The following KCNH5 variants were observed in gnomAD, a reference collection of about 807,000 sequenced individuals.
KCNH5 encodes the protein potassium voltage-gated channel subfamily H member 5, also known as voltage-gated delayed rectifier potassium channel KCNH5.
Under a neutral mutation model 96.1 loss-of-function variants are expected in KCNH5, and 46 were observed. The observed-to-expected ratio is 0.48, with a 90% CI of 0.38 to 0.61. The LOEUF (loss-of-function observed/expected upper bound fraction) is 0.61, where lower values mean the gene tolerates loss of function less well. Among genes scored for constraint, KCNH5 ranks in the 20% least tolerant of loss-of-function variants. The pLI is 0.00. For synonymous variants in KCNH5, 439 were observed against 449.8 expected, an observed-to-expected ratio of 0.98 and a Z score of 0.30; for missense variants, 907 against 1,225.8, an observed-to-expected ratio of 0.74 and a Z score of 3.88.
intron 9 of KCNH5, among the ~76,000 whole-genome samples, chr14:62,785,673 A>T (rs537510910): frequency 6.6e-6 from 1 of 152,346 alleles, no homozygotes; most frequent in South Asian, 2.1e-4. Context: ...AGGAAAAAGG[A>T]TTGTAAAACA....
At chr14:62,769,483 G>A (rs906429048) in intron 10 of KCNH5, among the ~76,000 whole-genome samples, 4 of 152,152 alleles carry the variant, frequency 2.6e-5, no homozygotes, top group Admixed American at 2.0e-4. Flanking sequence ...CACTGGCATC[G>A]GGTGATCTCA....
rs749086511 is a variant in KCNH5, at chr14:62,708,033, G to T, written c.2442C>A (p.Leu814=). 1 of 1,614,080 alleles carries T rather than the reference G, an allele frequency of 6.2e-7. No homozygotes were observed. The highest frequency in any genetic ancestry group is 8.5e-7 in the Non-Finnish European group (1 of 1,180,030). ...CCTCATGGGCTCCCATATTATTCTT[G>T]AGTCGCAGCCACCCTTTTCCATTTC... ...KNGNGKGWLR[L]KNNMGAHEEK... is the part of the protein sequence containing the mutation. The change falls in exon 11 of 11, where the codon CTC becomes CTA. Residue 814 remains leucine (L), a synonymous_variant. Transcript: ENST00000322893.
rs140674647 is a variant in KCNH5, at chr14:62,925,600, A to C, written c.1369+24533T>G. 6.2e-4 allele frequency among the ~76,000 whole-genome samples: 95 copies of C among 152,202 alleles called. 1 individual carries two copies. Among genetic ancestry groups the C allele is most frequent in the African/African-American group, 2.2e-3 (90 of 41,556 alleles). ...TCACAGGTAAAGACAGAAAAATAAA[A>C]TATTAACCAACCCCATCTCAGCACC... On this transcript the variant is annotated intron_variant, in intron 7 of 10. Transcript: ENST00000322893.
chr14:62,952,782 G>T (rs1890031368), intron 6 of KCNH5, among the ~76,000 whole-genome samples: 1 of 152,046 alleles, frequency 6.6e-6, no homozygotes, highest in Admixed American at 6.6e-5. Context: ...ACTAGAATGA[G>T]GTCCAAATGG....
intron 2 of KCNH5, among the ~76,000 whole-genome samples, chr14:63,014,498 T>C (rs891632515): frequency 3.3e-5 from 5 of 152,104 alleles, no homozygotes; most frequent in African/African-American, 1.2e-4. Flanking sequence ...GCACTTATTT[T>C]CTTAGTGAAT....
chr14:62,708,571 A>G, intron 10 of KCNH5, 116 bp from the exon 11 acceptor site: 3 of 620,110 alleles, frequency 4.8e-6, no homozygotes, highest in Non-Finnish European at 7.7e-6. Flanking sequence ...ATATTTGATA[A>G]GATTATTTCT....
At chr14:62,747,064 C>T (rs184737682) in intron 10 of KCNH5, among the ~76,000 whole-genome samples, 134 of 152,334 alleles carry the variant, frequency 8.8e-4, no homozygotes, top group Admixed American at 2.0e-3. Context: ...CCGGACGCGG[C>T]GGCTCATGCC....
At chr14:62,788,376 G>A (rs773557847) in intron 9 of KCNH5, among the ~76,000 whole-genome samples, 22 of 152,120 alleles carry the variant, frequency 1.4e-4, no homozygotes, top group African/African-American at 7.2e-5. Context: ...TGCTACTTAC[G>A]GATGAGCAAA....
intron 10 of KCNH5, among the ~76,000 whole-genome samples, chr14:62,739,077 AT>A (rs1885218734): frequency 6.6e-6 from 1 of 152,174 alleles, no homozygotes; most frequent in Non-Finnish European, 1.5e-5. Flanking sequence ...AACTTTACCT[AT>A]AATTAGATTT....
intron 10 of KCNH5, among the ~76,000 whole-genome samples, chr14:62,751,635 T>G (rs568859322): frequency 3.9e-5 from 6 of 152,326 alleles, no homozygotes; most frequent in Admixed American, 3.3e-4. Flanking sequence ...ACACCCAGAT[T>G]TGGCTTTCCC....
chr14:62,776,607 T>A (rs1351960195), intron 10 of KCNH5, among the ~76,000 whole-genome samples: 3 of 152,218 alleles, frequency 2.0e-5, no homozygotes, highest in African/African-American at 7.2e-5. Context: ...GTAGTTGAGA[T>A]TGGCCCACAA....
chr14:62,786,424 A>G (rs928572584), intron 9 of KCNH5, among the ~76,000 whole-genome samples: 2 of 152,144 alleles, frequency 1.3e-5, no homozygotes, highest in African/African-American at 4.8e-5. Flanking sequence ...TTGAGATTTA[A>G]CATGTAACAT....
chr14:62,966,771 C>T (rs1042160845), intron 6 of KCNH5, among the ~76,000 whole-genome samples: 1 of 152,184 alleles, frequency 6.6e-6, no homozygotes, highest in East Asian at 1.9e-4. Flanking sequence ...CCTTGCCTTG[C>T]TGTTTCCTCC....
At chr14:62,997,494 T>C (rs550536618) in intron 4 of KCNH5, among the ~76,000 whole-genome samples, 23 of 152,284 alleles carry the variant, frequency 1.5e-4, no homozygotes, top group Non-Finnish European at 2.9e-4. Flanking sequence ...TTTTGTGAAT[T>C]ACATTTTTAT....
Position 62,767,849 on chromosome 14 carries a change from T to G in KCNH5, c.2019+11879A>C, listed in dbSNP as rs373487124. On this transcript the variant is annotated intron_variant, in intron 10 of 10. Transcript: ENST00000322893. ...TAAGATAAACAAAATGTGATATGTA[T>G]ACACACAATGGAATACCATTCAGCC... Among the ~76,000 whole-genome samples the G allele has an allele frequency of 2.8e-4, 42 of 152,282 alleles. 1 individual carries two copies. The South Asian group carries it at 8.3e-3, about 30-fold the overall frequency.
intron 7 of KCNH5, among the ~76,000 whole-genome samples, chr14:62,942,467 T>C (rs533379366): frequency 6.6e-6 from 1 of 152,308 alleles, no homozygotes; most frequent in South Asian, 2.1e-4. Flanking sequence ...AGCTTGACTT[T>C]TATCTGAATT....
At chr14:62,799,234 GAT>G (rs1886598753) in intron 9 of KCNH5, among the ~76,000 whole-genome samples, 1 of 152,018 alleles carries the variant, frequency 6.6e-6, no homozygotes, top group Admixed American at 6.6e-5. Flanking sequence ...TGAATGATAA[GAT>G]ATGTTAACCC....
At chr14:62,864,852 G>C (rs1466801076) in intron 7 of KCNH5, among the ~76,000 whole-genome samples, 1 of 152,122 alleles carries the variant, frequency 6.6e-6, no homozygotes, top group Non-Finnish European at 1.5e-5. Context: ...ATATTTTGCA[G>C]ATCACCATGG....
intron 1 of KCNH5, among the ~76,000 whole-genome samples, chr14:63,022,809 T>C (rs575192582): frequency 5.5e-4 from 84 of 152,338 alleles, no homozygotes; most frequent in Non-Finnish European, 1.1e-3. Flanking sequence ...CCCTGACTGC[T>C]GATGAGGTTA....
Sources: gnomAD v4.1 joint callset for allele counts (sites outside exome capture counted in the v4.1 genomes callset) on GRCh38, gnomAD v4.1.1 for gene constraint, MANE v1.5 for transcripts, NCBI Gene and HGNC (gene_info 2026-07-23, HGNC 2026-07-21) for gene names.